The following KCNG2 variants were observed in gnomAD, a reference collection of about 807,000 sequenced individuals.
KCNG2 encodes the protein voltage-gated potassium channel regulatory subunit KCNG2.
A neutral mutation model predicts 12.3 loss-of-function variants in KCNG2; 7 were observed. The ratio of observed to expected loss-of-function variants is 0.57; its 90% CI spans 0.32 to 1.07. The LOEUF (loss-of-function observed/expected upper bound fraction) is 1.07, where lower values mean the gene tolerates loss of function less well. Among genes scored for constraint, KCNG2 ranks in the 50% least tolerant of loss-of-function variants. KCNG2 has a pLI of 0.04. For missense variants in KCNG2, 703 were observed against 726.0 expected (o/e 0.97, Z 0.36); for synonymous variants, 414 against 351.4 (o/e 1.18, Z -1.99).
chr18:79,841,336 G>A (rs7239922), intron 1 of KCNG2, among the ~76,000 whole-genome samples: 14,081 of 152,094 alleles, frequency 0.093, 904 homozygotes, highest in African/African-American at 0.17. Flanking sequence ...GAAAACCTTC[G>A]AGATGTTGGG....
At chr18:79,883,491 C>T (rs980150972) in intron 3 of KCNG2, among the ~76,000 whole-genome samples, 1 of 152,198 alleles carries the variant, frequency 6.6e-6, no homozygotes, top group African/African-American at 2.4e-5. Context: ...TCTTTGAAGG[C>T]TTTTAAAATA....
rs368420806 is a variant in KCNG2 at position 79,899,459 on chromosome 18, C to G, written c.1044C>G (p.Gly348=). Residue 348 remains glycine (G), a synonymous_variant, in exon 4 of 4, where the codon GGC becomes GGG. Coordinates refer to ENST00000316249, the MANE Select transcript of KCNG2 (RefSeq NM_012283.2). Reference sequence around the variant, plus strand: ...TGCACCTGGCCGAGCGCGAGCTGGGCGCGCGCCGCGACTTCTCCAGCGTGC... The same window carrying G: ...TGCACCTGGCCGAGCGCGAGCTGGGGGCGCGCCGCGACTTCTCCAGCGTGC... ...PLVHLAEREL[G]ARRDFSSVPA... The G allele has an allele frequency of 6.2e-7, 1 of 1,602,492 alleles. No homozygotes were observed. Among genetic ancestry groups the G allele is most frequent in the African/African-American group, 1.4e-5 (1 of 73,936 alleles).
chr18:79,827,139 C>G (rs763735025), intron 1 of KCNG2, among the ~76,000 whole-genome samples: 1 of 152,100 alleles, frequency 6.6e-6, no homozygotes, highest in African/African-American at 2.4e-5. Flanking sequence ...TGGGGACAGG[C>G]TGGGGACTCC....
intron 1 of KCNG2, among the ~76,000 whole-genome samples, chr18:79,828,038 C>G (rs1599375325): frequency 6.6e-6 from 1 of 151,642 alleles, no homozygotes; most frequent in East Asian, 1.9e-4. Context: ...ATTCTTGTGC[C>G]TCAGCCTCCC....
chr18:79,835,708 G>C (rs1241272363), intron 1 of KCNG2, among the ~76,000 whole-genome samples: 1 of 152,196 alleles, frequency 6.6e-6, no homozygotes, highest in Non-Finnish European at 1.5e-5. Context: ...AGTAAAGATT[G>C]TGAAAATTCC....
At position 79,899,459 on chromosome 18, in the gene KCNG2, C is replaced by T. The variant is rs368420806; in HGVS notation, c.1044C>T (p.Gly348=). 9 of 1,602,492 alleles carry T rather than the reference C, an allele frequency of 5.6e-6. No homozygotes were observed. The highest frequency in any genetic ancestry group is 1.7e-4 in the Middle Eastern group (1 of 5,992). Residue 348 remains glycine (G), a synonymous_variant, in exon 4 of 4, where the codon GGC becomes GGT. Transcript: ENST00000316249. The part of the protein sequence containing the change: ...PLVHLAEREL[G]ARRDFSSVPA... Reference sequence around the variant, plus strand: ...TGCACCTGGCCGAGCGCGAGCTGGGCGCGCGCCGCGACTTCTCCAGCGTGC... The same window carrying T: ...TGCACCTGGCCGAGCGCGAGCTGGGTGCGCGCCGCGACTTCTCCAGCGTGC...
intron 3 of KCNG2, among the ~76,000 whole-genome samples, chr18:79,895,768 G>A (rs1980950432): frequency 6.6e-6 from 1 of 151,448 alleles, no homozygotes; most frequent in South Asian, 2.1e-4. Flanking sequence ...TTGGATCTGT[G>A]TCTGCTTTTC....
chr18:79,867,861 C>T (rs996988852), intron 3 of KCNG2, among the ~76,000 whole-genome samples: 6 of 152,122 alleles, frequency 3.9e-5, no homozygotes, highest in Non-Finnish European at 8.8e-5. Context: ...CCGTCAGCAC[C>T]GCAGAGCCCC....
chr18:79,824,933 A>T (rs953874169), intron 1 of KCNG2, among the ~76,000 whole-genome samples: 1 of 152,038 alleles, frequency 6.6e-6, no homozygotes, highest in Non-Finnish European at 1.5e-5. Context: ...CTTTCTTCTT[A>T]TTATATTTGG....
chr18:79,878,851 G>T (rs2123106383), intron 3 of KCNG2, among the ~76,000 whole-genome samples: 3 of 152,384 alleles, frequency 2.0e-5, no homozygotes, highest in Admixed American at 2.0e-4. Context: ...GCTGTGGAAG[G>T]TGACGGCTGT....
chr18:79,854,787 A>T (rs1978953649), intron 1 of KCNG2, among the ~76,000 whole-genome samples: 1 of 152,150 alleles, frequency 6.6e-6, no homozygotes, highest in Non-Finnish European at 1.5e-5. Context: ...TACAGGGATT[A>T]CAGGTGTGAG....
intron 3 of KCNG2, among the ~76,000 whole-genome samples, chr18:79,881,481 A>G (rs1042964127): frequency 6.6e-6 from 1 of 152,256 alleles, no homozygotes; most frequent in East Asian, 1.9e-4. Context: ...TTGGAATTCA[A>G]ATTTTTTAAA....
intron 1 of KCNG2, among the ~76,000 whole-genome samples, chr18:79,814,425 C>T (rs1318409284): frequency 2.0e-5 from 3 of 152,218 alleles, no homozygotes; most frequent in Admixed American, 6.5e-5. Context: ...GATGGGTTAT[C>T]GGTACACACA....
chr18:79,864,151 C>T lies in KCNG2; in HGVS notation c.484C>T (p.Arg162Cys), dbSNP rs769581960. Residue 162 changes from arginine (R) to cysteine (C), a missense_variant, in exon 3 of 4, where the codon CGC (arginine) becomes TGC (cysteine). By Grantham distance (180) the Arg-to-Cys change is radical (BLOSUM62 -3). Coordinates refer to ENST00000316249, the MANE Select transcript of KCNG2 (RefSeq NM_012283.2). ...GGGGCGGCTGCAGCGCGGCCGGCGG[C>T]GCCTGCGCGACGTGGTGGACAACCC... is the stretch of plus-strand genomic sequence containing the variant. ...PRGRLQRGRR[R>C]LRDVVDNPHS... is the part of the protein sequence containing the mutation. 4 of 1,431,892 alleles carry T rather than the reference C, an allele frequency of 2.8e-6. No homozygotes were observed. Among genetic ancestry groups the T allele is most frequent in the East Asian group, 3.2e-5 (1 of 31,034 alleles). 88.7% of individuals were successfully genotyped at this position (1,431,892 alleles called of 1,614,324 possible). A position where few individuals can be genotyped will look rare whatever the true frequency, so the allele number is the denominator to read the frequency against.
chr18:79,829,192 CTGTG>C (rs987504077), intron 1 of KCNG2, among the ~76,000 whole-genome samples: 3 of 140,852 alleles, frequency 2.1e-5, no homozygotes, highest in South Asian at 2.3e-4. Context: ...GTGCATGTGT[CTGTG>C]TGTGGGTGTC....
chr18:79,807,564 C>T (rs779099625), intron 1 of KCNG2, among the ~76,000 whole-genome samples: 5 of 152,200 alleles, frequency 3.3e-5, no homozygotes, highest in Non-Finnish European at 7.3e-5. Flanking sequence ...CTCCCATGTA[C>T]GTGGCCCAGG....
rs761182454 is a variant in KCNG2 at position 79,899,703 on chromosome 18, CAGG to C, written c.1293_1295del (p.Glu431del). ...CGCGGCCAGCCCCGAGCCGGCCCTGCAGGAGGACAGCACGCACTCGGCCACAGC... is the reference window on the plus strand; with the variant it reads ...CGCGGCCAGCCCCGAGCCGGCCCTGCAGGACAGCACGCACTCGGCCACAGC... On this transcript the variant is annotated inframe_deletion, in exon 4 of 4. Transcript: ENST00000316249. 3.2e-5 allele frequency: 51 copies of C among 1,606,724 alleles called. No individual in the cohort carries two copies. Among genetic ancestry groups the C allele is most frequent in the Non-Finnish European group, 4.2e-5 (50 of 1,178,052 alleles).
At chr18:79,883,226 A>G (rs1346654933) in intron 3 of KCNG2, among the ~76,000 whole-genome samples, 1 of 127,410 alleles carries the variant, frequency 7.8e-6, no homozygotes, top group African/African-American at 3.0e-5. Context: ...TGGGAAAGCC[A>G]GGGGTTGGGG....
intron 1 of KCNG2, among the ~76,000 whole-genome samples, chr18:79,810,282 G>A (rs2087484805): frequency 6.6e-6 from 1 of 152,134 alleles, no homozygotes; most frequent in Non-Finnish European, 1.5e-5. Context: ...GGTGGACAAA[G>A]AGGACCAAGA....
Sources: gnomAD v4.1 joint callset for allele counts (sites outside exome capture counted in the v4.1 genomes callset) on GRCh38, gnomAD v4.1.1 for gene constraint, MANE v1.5 for transcripts, NCBI Gene and HGNC (gene_info 2026-07-23, HGNC 2026-07-21) for gene names.